Variants in GCFC2 observed in about 807,000 individuals in gnomAD.
GCFC2 encodes the protein GC-rich sequence DNA-binding factor 2.
GCFC2 carries 102 observed loss-of-function variants against 99.4 expected under a neutral mutation model. The ratio of observed to expected loss-of-function variants is 1.03; its 90% confidence interval spans 0.87 to 1.21. The LOEUF (loss-of-function observed/expected upper bound fraction) is 1.21. Among genes scored for constraint, GCFC2 ranks in the 50% most tolerant of loss-of-function variants. The pLI is 0.00. For missense variants in GCFC2, 973 were observed against 920.9 expected (o/e 1.06, Z -0.73); for synonymous variants, 338 against 316.8 (o/e 1.07, Z -0.71).
At chr2:75,710,920 G>C, upstream of GCFC2, 2 of 1,403,898 alleles carry the variant, frequency 1.4e-6, no homozygotes, top group Non-Finnish European at 1.8e-6. Flanking sequence ...TTCAGTGCCC[G>C]CCCCCTAGGG....
intron 12 of GCFC2, among the ~76,000 whole-genome samples, chr2:75,679,194 G>A (rs545518482): frequency 1.3e-5 from 2 of 152,124 alleles, no homozygotes; most frequent in Non-Finnish European, 2.9e-5. Context: ...GAATTAGGCT[G>A]GTATCCCTTT....
chr2:75,709,358 GA>G lies in GCFC2; in HGVS notation c.265+1232del, dbSNP rs1167299071. On this transcript the variant is annotated intron_variant, in intron 1 of 16. Coordinates refer to ENST00000321027, the MANE Select transcript of GCFC2 (RefSeq NM_003203.5). ...CCAGAAAACAAATATAAAAGGTCAT[GA>G]AAACTTTAGACAAATAGAAGGTCAC... Among the ~76,000 whole-genome samples the G allele has an allele frequency of 2.6e-5, 4 of 152,172 alleles. No homozygotes were observed. In the East Asian group the frequency reaches 7.7e-4, roughly 29 times the overall value.
At chr2:75,684,409 T>G (rs13423288) in intron 11 of GCFC2, among the ~76,000 whole-genome samples, 32 of 152,292 alleles carry the variant, frequency 2.1e-4, no homozygotes, top group Admixed American at 1.3e-4. Context: ...GAGGCAGAAG[T>G]AAAGATGTTC....
At chr2:75,712,572 G>A (rs571426684), upstream of GCFC2, among the ~76,000 whole-genome samples, 5 of 152,204 alleles carry the variant, frequency 3.3e-5, no homozygotes, top group South Asian at 2.1e-4. Context: ...GTGGCAACCC[G>A]CTCCGGTCCC....
chr2:75,690,105 A>T (rs752315137), intron 8 of GCFC2, 24 bp from the exon 9 acceptor site: 2 of 1,381,980 alleles, frequency 1.4e-6, no homozygotes, highest in Middle Eastern at 1.8e-4. Context: ...CAAACCAAAA[A>T]TAAACAAAAA....
At chr2:75,695,624 A>G (rs1165025909) in intron 5 of GCFC2, among the ~76,000 whole-genome samples, 2 of 152,212 alleles carry the variant, frequency 1.3e-5, no homozygotes, top group African/African-American at 4.8e-5. Context: ...ACCAAAGCCT[A>G]TATATGCTGT....
At position 75,690,101 on chromosome 2, in the gene GCFC2, A is replaced by G; in HGVS notation, c.1227-20T>C. 7.2e-7 allele frequency: 1 copy of G among 1,380,518 alleles called. No homozygotes were observed. Among genetic ancestry groups the G allele is most frequent in the African/African-American group, 1.4e-5 (1 of 69,526 alleles). The allele number at this position is 1,380,518 out of a possible 1,614,324, so 85.5% of individuals were successfully genotyped here. A position where few individuals can be genotyped will look rare whatever the true frequency, so the allele number is the denominator to read the frequency against. On this transcript the variant is annotated intron_variant, in intron 8 of 16. Transcript: ENST00000321027. ...TTTGTCCTATATTTTGCAACAAACCAAAAATAAACAAAAAGTAAGTAGTTC... is the reference window on the plus strand; with the variant it reads ...TTTGTCCTATATTTTGCAACAAACCGAAAATAAACAAAAAGTAAGTAGTTC...
chr2:75,687,264 G>C (rs942257923), intron 11 of GCFC2, among the ~76,000 whole-genome samples: 1 of 151,958 alleles, frequency 6.6e-6, no homozygotes, highest in Non-Finnish European at 1.5e-5. Context: ...AAAAGGATAA[G>C]AAACACAATT....
In GCFC2 at chr2:75,666,067, C is replaced by A; in HGVS notation, c.2104-14G>T. The A allele has an allele frequency of 6.3e-7, 1 of 1,592,806 alleles. No individual in the cohort carries two copies. Among genetic ancestry groups the A allele is most frequent in the Non-Finnish European group, 8.6e-7 (1 of 1,168,690 alleles). Reference sequence around the variant, plus strand: ...ACATGCTGCTACCTGTTAATCAAAACACATGGCTGGTTTACAATGACAGTT... The same window carrying A: ...ACATGCTGCTACCTGTTAATCAAAAAACATGGCTGGTTTACAATGACAGTT... On this transcript the variant is annotated splice_polypyrimidine_tract_variant and intron_variant, in intron 15 of 16. Transcript: ENST00000321027.
In GCFC2 at chr2:75,710,906, CA is replaced by C; in HGVS notation, c.-52del. On this transcript the variant is annotated 5_prime_UTR_variant, in exon 1 of 17. Transcript: ENST00000321027. ...CTAGAACCCGCTGAACCGCAAGCCG[CA>C]GCTTCAGTGCCCGCCCCCTAGGGCG... 6.8e-7 allele frequency: 1 copy of C among 1,462,394 alleles called. No homozygotes were observed. Among genetic ancestry groups the C allele is most frequent in the Non-Finnish European group, 9.0e-7 (1 of 1,115,350 alleles). 90.6% of individuals were successfully genotyped at this position (1,462,394 alleles called of 1,614,324 possible). A position where few individuals can be genotyped will look rare whatever the true frequency, so the allele number is the denominator to read the frequency against.
At chr2:75,684,271 C>G (rs749023079) in intron 11 of GCFC2, among the ~76,000 whole-genome samples, 6 of 152,164 alleles carry the variant, frequency 3.9e-5, no homozygotes, top group Non-Finnish European at 7.4e-5. Flanking sequence ...GAAATCATAA[C>G]AAACAGTCTC....
intron 1 of GCFC2, among the ~76,000 whole-genome samples, chr2:75,707,559 C>T (rs1680929490): frequency 7.9e-6 from 1 of 126,130 alleles, no homozygotes; most frequent in African/African-American, 2.9e-5. Context: ...AAATTTAAAA[C>T]ACTAAAAAAA....
At chr2:75,686,844 G>C (rs1426795936) in intron 11 of GCFC2, among the ~76,000 whole-genome samples, 1 of 152,168 alleles carries the variant, frequency 6.6e-6, no homozygotes, top group Non-Finnish European at 1.5e-5. Context: ...AAGTACACAG[G>C]TAAAACAAAA....
In GCFC2 at chr2:75,690,684, CT is replaced by C; in HGVS notation, c.1179del (p.Val394Ter). ...KDETSTSGNF[S>X]VDEKTQWILE... ...AAAATCCACTGAGTTTTTTCATCTA[CT>C]GAGAAGTTTCCACTTGTGGATGTCT... On this transcript the variant is annotated frameshift_variant, in exon 8 of 17. Coordinates refer to ENST00000321027, the MANE Select transcript of GCFC2 (RefSeq NM_003203.5). LOFTEE classifies it high-confidence loss of function. The C allele has an allele frequency of 6.4e-7, 1 of 1,569,274 alleles. No individual in the cohort carries two copies. Among genetic ancestry groups the C allele is most frequent in the East Asian group, 2.2e-5 (1 of 44,452 alleles).
intron 2 of GCFC2, among the ~76,000 whole-genome samples, chr2:75,703,410 C>CA (rs747057507): frequency 2.0e-5 from 3 of 151,718 alleles, no homozygotes; most frequent in Non-Finnish European, 2.9e-5. Flanking sequence ...TTGAAACAAA[C>CA]AAAAAAAGAG....
At chr2:75,679,186 A>G (rs1679466995) in intron 12 of GCFC2, among the ~76,000 whole-genome samples, 2 of 152,230 alleles carry the variant, frequency 1.3e-5, no homozygotes, top group African/African-American at 4.8e-5. Flanking sequence ...TGAAGGCAGA[A>G]TTAGGCTGGT....
At chr2:75,709,531 G>A (rs1468814479) in intron 1 of GCFC2, among the ~76,000 whole-genome samples, 3 of 152,152 alleles carry the variant, frequency 2.0e-5, no homozygotes, top group African/African-American at 7.2e-5. Context: ...GCAGAGAGTC[G>A]AGTAGTGGTT....
Position 75,687,815 on chromosome 2 carries a change from ACG to A in GCFC2, c.1690+10_1690+11del, listed in dbSNP as rs1417519383. 1 of 1,589,376 alleles carries A rather than the reference ACG, an allele frequency of 6.3e-7. No homozygotes were observed. Among genetic ancestry groups the A allele is most frequent in the South Asian group, 1.1e-5 (1 of 87,378 alleles). On this transcript the variant is annotated intron_variant, in intron 11 of 16. Coordinates refer to ENST00000321027, the MANE Select transcript of GCFC2 (RefSeq NM_003203.5). ...AAAATAATTTAATTTTACCAAGGTT[ACG>A]AAGCAGTACCTGTAAGTCGGGGAAT...
chr2:75,674,341 C>T (rs1364697260), intron 12 of GCFC2, among the ~76,000 whole-genome samples: 1 of 152,114 alleles, frequency 6.6e-6, no homozygotes, highest in Non-Finnish European at 1.5e-5. Flanking sequence ...TATTCAATCA[C>T]AGGGAATTTT....
Sources: allele counts gnomAD v4.1 joint callset (sites outside exome capture counted in the v4.1 genomes callset), GRCh38; gene constraint gnomAD v4.1.1; transcripts MANE v1.5; gene names NCBI Gene and HGNC (gene_info 2026-07-23, HGNC 2026-07-21).